Variants in PLSCR1 observed in about 807,000 individuals in gnomAD.
PLSCR1 encodes phospholipid scramblase 1.
PLSCR1 carries 17 observed loss-of-function variants against 37.8 expected under a neutral mutation model. The ratio of observed to expected loss-of-function variants is 0.45; its 90% CI spans 0.31 to 0.68. The LOEUF is 0.68. Ranked by LOEUF, PLSCR1 falls within the 30% of genes least tolerant of loss-of-function variation. The probability of loss-of-function intolerance (pLI) is 0.06; values close to 1 mark genes in which losing one functional copy is unlikely to be tolerated. For synonymous variants in PLSCR1, 116 were observed against 125.9 expected, an observed-to-expected ratio of 0.92 and a Z score of 0.53; for missense variants, 347 against 380.9, an observed-to-expected ratio of 0.91 and a Z score of 0.74.
intron 7 of PLSCR1, among the ~76,000 whole-genome samples, chr3:146,519,223 T>C (rs946463865): frequency 6.6e-6 from 1 of 152,180 alleles, no homozygotes; most frequent in African/African-American, 2.4e-5. Flanking sequence ...CTCCAGTGTC[T>C]ATACTCTTGA....
chr3:146,535,358 G>A (rs1016411048), intron 2 of PLSCR1, among the ~76,000 whole-genome samples: 3 of 152,004 alleles, frequency 2.0e-5, no homozygotes, highest in Admixed American at 2.0e-4. Flanking sequence ...GCATTCCAGG[G>A]GGAATTCATA....
chr3:146,528,078 T>C (rs1275747691), intron 4 of PLSCR1: 1 of 152,354 alleles, frequency 6.6e-6, no homozygotes, highest in African/African-American at 2.4e-5. Flanking sequence ...TAACCCCTTG[T>C]TTGGGGCCAC....
intron 1 of PLSCR1, 189 bp from the exon 2 acceptor site, chr3:146,536,754 G>A (rs2044270847): frequency 2.0e-6 from 1 of 494,786 alleles, no homozygotes. Context: ...GTGTTTCTGA[G>A]TAGGAATTTA....
chr3:146,540,925 C>T (rs1020938617), intron 1 of PLSCR1: 2 of 152,020 alleles, frequency 1.3e-5, no homozygotes, highest in African/African-American at 4.8e-5. Context: ...AATTTTGTAC[C>T]TTTAAAAATG....
intron 3 of PLSCR1, among the ~76,000 whole-genome samples, chr3:146,529,535 CAG>C (rs757435328): frequency 4.6e-4 from 68 of 146,502 alleles, no homozygotes; most frequent in Non-Finnish European, 7.5e-4. Context: ...TTTTTTGAGA[CAG>C]AGTCTTGCTC....
chr3:146,537,040 T>G (rs527588488), intron 1 of PLSCR1, among the ~76,000 whole-genome samples: 3 of 152,252 alleles, frequency 2.0e-5, no homozygotes, highest in Admixed American at 1.3e-4. Context: ...CTACTGCAAT[T>G]ATCTTGGGAA....
intron 3 of PLSCR1, among the ~76,000 whole-genome samples, chr3:146,532,378 T>G (rs1194851093): frequency 6.6e-6 from 1 of 152,196 alleles, no homozygotes; most frequent in Non-Finnish European, 1.5e-5. Flanking sequence ...AAGATTACTA[T>G]TCCTTGAGTC....
intron 4 of PLSCR1, among the ~76,000 whole-genome samples, chr3:146,527,479 C>T (rs1272480779): frequency 6.6e-6 from 1 of 152,074 alleles, no homozygotes; most frequent in Non-Finnish European, 1.5e-5. Context: ...GTGTCAAAAA[C>T]AATTCAAAAG....
At chr3:146,526,085 A>C (rs1329486177) in intron 4 of PLSCR1, among the ~76,000 whole-genome samples, 1 of 147,520 alleles carries the variant, frequency 6.8e-6, no homozygotes, top group Non-Finnish European at 1.5e-5. Flanking sequence ...TGGGAGGCTC[A>C]GGCAGGAGAA....
chr3:146,539,742 T>C (rs1044499619), intron 1 of PLSCR1, among the ~76,000 whole-genome samples: 2 of 152,250 alleles, frequency 1.3e-5, no homozygotes, highest in Non-Finnish European at 2.9e-5. Context: ...ACTACTGCAG[T>C]ATAAAATCTG....
At chr3:146,538,316 A>C (rs1469217633) in intron 1 of PLSCR1, among the ~76,000 whole-genome samples, 2 of 152,226 alleles carry the variant, frequency 1.3e-5, no homozygotes, top group Admixed American at 6.5e-5. Flanking sequence ...TTCATACATA[A>C]GAGGACATGA....
At chr3:146,521,366 G>T (rs1441432971) in intron 7 of PLSCR1, among the ~76,000 whole-genome samples, 178 bp downstream of exon 7, 1 of 152,066 alleles carries the variant, frequency 6.6e-6, no homozygotes, top group Non-Finnish European at 1.5e-5. Flanking sequence ...ATGACCAACA[G>T]TGACCTTTAA....
chr3:146,534,099 G>T (rs2044234769), intron 2 of PLSCR1, among the ~76,000 whole-genome samples: 1 of 152,102 alleles, frequency 6.6e-6, no homozygotes, highest in Non-Finnish European at 1.5e-5. Flanking sequence ...ACCCACAAAA[G>T]CCATGTTTAA....
At chr3:146,537,154 G>A (rs1264520229) in intron 1 of PLSCR1, among the ~76,000 whole-genome samples, 1 of 151,700 alleles carries the variant, frequency 6.6e-6, no homozygotes, top group East Asian at 1.9e-4. Context: ...CCCACTCTCA[G>A]GAGTTGTCAC....
In PLSCR1 at chr3:146,517,582, T is replaced by C. The variant is rs2043964381; in HGVS notation, c.739-415A>G. 2.0e-5 allele frequency among the ~76,000 whole-genome samples: 3 copies of C among 152,194 alleles called. No homozygotes were observed. The South Asian group carries it at 6.2e-4, about 32-fold the overall frequency. On this transcript the variant is annotated intron_variant, in intron 7 of 8. Coordinates refer to ENST00000342435, the MANE Select transcript of PLSCR1 (RefSeq NM_021105.3). ...GCACAGTTTACACAGACTGAAAGAT[T>C]AAATATGATGAAAAGGCTTATTACT...
intron 4 of PLSCR1, among the ~76,000 whole-genome samples, chr3:146,527,425 A>C (rs1366127851): frequency 6.6e-6 from 1 of 152,254 alleles, no homozygotes; most frequent in Non-Finnish European, 1.5e-5. Flanking sequence ...GTACATGTGC[A>C]TTAAAATGCC....
At chr3:146,525,758 T>A in intron 4 of PLSCR1, 111 bp from the exon 5 acceptor site, 1 of 539,112 alleles carries the variant, frequency 1.9e-6, no homozygotes, top group Non-Finnish European at 3.3e-6. Flanking sequence ...TAACCAATTA[T>A]CAATATTTAA....
chr3:146,523,612 T>C (rs2044064157), intron 5 of PLSCR1, among the ~76,000 whole-genome samples: 2 of 152,196 alleles, frequency 1.3e-5, no homozygotes, highest in African/African-American at 4.8e-5. Flanking sequence ...TCAACAGTAG[T>C]TGTTCAGAAG....
At position 146,521,671 on chromosome 3, in the gene PLSCR1, C is replaced by T. The variant is rs1218079760; in HGVS notation, c.611G>A (p.Gly204Asp). 2.5e-6 allele frequency: 4 copies of T among 1,613,302 alleles called. No individual in the cohort carries two copies. In the African/African-American group the frequency reaches 4.0e-5, roughly 16 times the overall value. Residue 204 changes from glycine (G) to aspartate (D), a missense_variant, in exon 7 of 9, where the codon GGT becomes GAT. Physicochemically the swap from Gly to Asp is moderately conservative, Grantham distance 94 (BLOSUM62 -1). Coordinates refer to ENST00000342435, the MANE Select transcript of PLSCR1 (RefSeq NM_021105.3). ...EIQAPPGVPI[G>D]YVIQTWHPCL... is the part of the protein sequence containing the mutation. ...TGGGTGCCAAGTCTGAATAACATAA[C>T]CTATTGGTACACCAGGAGGAGCTTG... is the stretch of plus-strand genomic sequence containing the variant.
Sources: allele counts gnomAD v4.1 joint callset (sites outside exome capture counted in the v4.1 genomes callset), GRCh38; gene constraint gnomAD v4.1.1; transcripts MANE v1.5; gene names NCBI Gene and HGNC (gene_info 2026-07-23, HGNC 2026-07-21).